Variants in PMS1 observed in about 807,000 individuals in gnomAD.
PMS1 encodes the protein PMS1 homolog 1, mismatch repair system component, also known as PMS1 protein homolog 1.
PMS1 carries 79 observed loss-of-function variants against 93.1 expected under a neutral mutation model. The ratio of observed to expected loss-of-function variants is 0.85; its 90% CI spans 0.71 to 1.02. The LOEUF is 1.02. Among genes scored for constraint, PMS1 ranks in the 50% least tolerant of loss-of-function variants. The pLI, the probability that PMS1 is intolerant of heterozygous loss-of-function variation, is 0.00. For missense variants in PMS1, 1,064 were observed against 1,085.3 expected, an observed-to-expected ratio of 0.98 and a Z score of 0.28; for synonymous variants, 335 against 363.4, an observed-to-expected ratio of 0.92 and a Z score of 0.89.
chr2:189,860,826 T>G (rs2055895623), intron 9 of PMS1, among the ~76,000 whole-genome samples: 1 of 125,572 alleles, frequency 8.0e-6, no homozygotes, highest in Admixed American at 7.7e-5. Flanking sequence ...TTTTTTTTTT[T>G]TTTTTTTTTT....
intron 11 of PMS1, among the ~76,000 whole-genome samples, chr2:189,872,833 A>G (rs1371160229): frequency 6.6e-6 from 1 of 152,046 alleles, no homozygotes; most frequent in Non-Finnish European, 1.5e-5. Flanking sequence ...ACAGGGTCTC[A>G]CCATGTTGGA....
Position 189,802,289 on chromosome 2 carries a change from C to T in PMS1, c.316-3363C>T, listed in dbSNP as rs182538391. Among the ~76,000 whole-genome samples the T allele has an allele frequency of 5.3e-5, 8 of 152,092 alleles. No individual in the cohort carries two copies. The East Asian group carries it at 7.7e-4, about 15-fold the overall frequency. Reference sequence around the variant, plus strand: ...TACTGTTGACCGGCCTCCTGTTGACCGGAAGATAACATATTTTGTATGTTG... The same window carrying T: ...TACTGTTGACCGGCCTCCTGTTGACTGGAAGATAACATATTTTGTATGTTG... On this transcript the variant is annotated intron_variant, in intron 3 of 12. Coordinates refer to ENST00000441310, the MANE Select transcript of PMS1 (RefSeq NM_000534.5).
intron 9 of PMS1, among the ~76,000 whole-genome samples, chr2:189,860,259 T>G (rs577020921): frequency 6.6e-6 from 1 of 152,202 alleles, no homozygotes; most frequent in Admixed American, 6.5e-5. Flanking sequence ...AGCCACTCTT[T>G]TGAGTTTTGT....
chr2:189,846,260 C>T (rs1268739043), intron 6 of PMS1, among the ~76,000 whole-genome samples: 3 of 151,790 alleles, frequency 2.0e-5, no homozygotes, highest in African/African-American at 7.3e-5. Flanking sequence ...ACCTGTAATC[C>T]CAGCACTTTG....
intron 4 of PMS1, among the ~76,000 whole-genome samples, chr2:189,815,805 G>A (rs1575119988): frequency 1.3e-5 from 2 of 152,158 alleles, no homozygotes; most frequent in Admixed American, 1.3e-4. Context: ...TTTAAGTTAT[G>A]TTGCAAAGCC....
chr2:189,845,644 C>T (rs1369521859), intron 6 of PMS1, among the ~76,000 whole-genome samples: 1 of 152,116 alleles, frequency 6.6e-6, no homozygotes, highest in Non-Finnish European at 1.5e-5. Context: ...CAACTCTCAT[C>T]TTCAGATATC....
intron 2 of PMS1, among the ~76,000 whole-genome samples, chr2:189,793,615 G>C (rs1349486851): frequency 6.6e-6 from 1 of 152,168 alleles, no homozygotes; most frequent in Non-Finnish European, 1.5e-5. Context: ...CTTCACTTAA[G>C]AATCTTTGGC....
At chr2:189,835,361 C>CT (rs1419943884) in intron 5 of PMS1, among the ~76,000 whole-genome samples, 1 of 152,178 alleles carries the variant, frequency 6.6e-6, no homozygotes, top group Non-Finnish European at 1.5e-5. Flanking sequence ...GTGGTTTGTT[C>CT]TTTTAACAGT....
At chr2:189,865,191 G>A (rs2106520120) in intron 10 of PMS1, among the ~76,000 whole-genome samples, 1 of 151,298 alleles carries the variant, frequency 6.6e-6, no homozygotes, top group South Asian at 2.1e-4. Context: ...TTTTTTTCCA[G>A]TTTTTTAAAA....
intron 10 of PMS1, among the ~76,000 whole-genome samples, chr2:189,864,674 AAAAAAAAAAAAAAATATATATAT>A (rs2056416832): frequency 2.3e-5 from 1 of 43,864 alleles, no homozygotes; most frequent in Non-Finnish European, 4.2e-5. Context: ...AAAAAAAAAA[AAAAAAAAAAAAAAATATATATAT>A]ATATATATAT....
chr2:189,867,716 A>G (rs1413792511), intron 10 of PMS1, 83 bp from the exon 11 acceptor site: 5 of 944,942 alleles, frequency 5.3e-6, no homozygotes, highest in South Asian at 2.7e-5. Flanking sequence ...ACACTTGTCA[A>G]AGGGCCCTAG....
At chr2:189,787,333 T>C (rs141090092) in intron 1 of PMS1, among the ~76,000 whole-genome samples, 6 of 152,220 alleles carry the variant, frequency 3.9e-5, no homozygotes, top group Admixed American at 2.0e-4. Context: ...TTAATATTCA[T>C]GAAGTGAAGG....
chr2:189,790,630 C>G (rs966513462), intron 1 of PMS1, among the ~76,000 whole-genome samples: 1 of 152,158 alleles, frequency 6.6e-6, no homozygotes, highest in East Asian at 1.9e-4. Flanking sequence ...ATAGTACCTA[C>G]TTTCTATGGT....
chr2:189,841,083 T>C (rs1256753166), intron 5 of PMS1, among the ~76,000 whole-genome samples: 1 of 152,142 alleles, frequency 6.6e-6, no homozygotes, highest in Non-Finnish European at 1.5e-5. Flanking sequence ...GGGATAAATA[T>C]TGGCAAAGTA....
intron 5 of PMS1, among the ~76,000 whole-genome samples, chr2:189,836,373 C>T (rs1362074824): frequency 6.6e-6 from 1 of 152,142 alleles, no homozygotes; most frequent in Non-Finnish European, 1.5e-5. Context: ...TCCAGGTGCT[C>T]CAACTTTGTG....
chr2:189,785,837 C>G (rs1428963337), intron 1 of PMS1, among the ~76,000 whole-genome samples: 3 of 152,074 alleles, frequency 2.0e-5, no homozygotes, highest in Non-Finnish European at 4.4e-5. Flanking sequence ...TTAAGAGAGA[C>G]AAGTTGGCTG....
Position 189,795,897 on chromosome 2 carries a change from G to T in PMS1, c.261G>T (p.Leu87Phe). The T allele has an allele frequency of 6.2e-7, 1 of 1,613,698 alleles. No individual in the cohort carries two copies. The highest frequency in any genetic ancestry group is 1.1e-5 in the South Asian group (1 of 91,056). ...ATAGTCATGAAGATCTTGAAAATTTGACAACTTACGGTTTTCGTGGAGAAG... is the reference window on the plus strand; with the variant it reads ...ATAGTCATGAAGATCTTGAAAATTTTACAACTTACGGTTTTCGTGGAGAAG... ...KINSHEDLEN[L>F]TTYGFRGEAL... Residue 87 changes from leucine to phenylalanine, a missense_variant, in exon 3 of 13, where the codon TTG becomes TTT. Physicochemically the swap from Leu to Phe is conservative, Grantham distance 22. Transcript: ENST00000441310.
At chr2:189,796,493 C>T (rs2049368912) in intron 3 of PMS1, among the ~76,000 whole-genome samples, 1 of 152,190 alleles carries the variant, frequency 6.6e-6, no homozygotes, top group South Asian at 2.1e-4. Context: ...GCAACCTTTT[C>T]ATTATTTCAA....
Position 189,837,321 on chromosome 2 carries a change from G to A in PMS1, c.583-6643G>A, listed in dbSNP as rs577722393. ...TTTATTTTTTTTTTATAGAAACAGG[G>A]TCACACTATGTTGCCCAGTCTGGTA... On this transcript the variant is annotated intron_variant, in intron 5 of 12. Coordinates refer to ENST00000441310, the MANE Select transcript of PMS1 (RefSeq NM_000534.5). 3.3e-5 allele frequency among the ~76,000 whole-genome samples: 5 copies of A among 151,876 alleles called. No homozygotes were observed. In the South Asian group the frequency reaches 1.0e-3, roughly 32 times the overall value.
Sources: gnomAD v4.1 joint callset for allele counts (sites outside exome capture counted in the v4.1 genomes callset) on GRCh38, gnomAD v4.1.1 for gene constraint, MANE v1.5 for transcripts, NCBI Gene and HGNC (gene_info 2026-07-23, HGNC 2026-07-21) for gene names.